Variants in DAB1 observed in about 807,000 individuals in gnomAD.
DAB1 encodes DAB adaptor protein 1.
A neutral mutation model predicts 64.6 loss-of-function variants in DAB1; 15 were observed. The ratio of observed to expected loss-of-function variants is 0.23; its 90% confidence interval spans 0.16 to 0.36. The LOEUF (loss-of-function observed/expected upper bound fraction) is 0.36, where lower values mean the gene tolerates loss of function less well. Among genes scored for constraint, DAB1 ranks in the 10% least tolerant of loss-of-function variants. The pLI is 1.00. For synonymous variants in DAB1, 235 were observed against 251.9 expected (o/e 0.93, Z 0.64); for missense variants, 596 against 706.7 (o/e 0.84, Z 1.78).
chr1:57,086,513 A>C (rs1467667680), intron 4 of DAB1, among the ~76,000 whole-genome samples: 1 of 152,178 alleles, frequency 6.6e-6, no homozygotes, highest in Non-Finnish European at 1.5e-5. Flanking sequence ...ACAGTTTGGC[A>C]AAGTGTTTGT....
At chr1:57,173,210 C>G (rs1661963136) in intron 2 of DAB1, among the ~76,000 whole-genome samples, 1 of 152,040 alleles carries the variant, frequency 6.6e-6, no homozygotes, top group Admixed American at 6.6e-5. Flanking sequence ...GCTTCCAGTT[C>G]AAGAGATTCT....
chr1:58,450,966 T>C (rs1645129118), intron 3 of DAB1, among the ~76,000 whole-genome samples: 1 of 152,042 alleles, frequency 6.6e-6, no homozygotes, highest in South Asian at 2.1e-4. Context: ...TTTTACAAAA[T>C]ACCTGACCGG....
intron 3 of DAB1, among the ~76,000 whole-genome samples, chr1:58,375,394 T>C (rs1264289195): frequency 4.4e-5 from 6 of 135,710 alleles, no homozygotes; most frequent in South Asian, 4.9e-4. Context: ...GCATGAAGGG[T>C]TGTTGAATTT....
intron 5 of DAB1, among the ~76,000 whole-genome samples, chr1:58,008,574 A>G (rs1372478552): frequency 6.6e-6 from 1 of 152,184 alleles, no homozygotes; most frequent in East Asian, 1.9e-4. Flanking sequence ...AGGGAGCTCA[A>G]TCATAGCGGT....
chr1:58,191,222 C>T (rs1364773663), intron 4 of DAB1, among the ~76,000 whole-genome samples: 1 of 152,142 alleles, frequency 6.6e-6, no homozygotes, highest in Non-Finnish European at 1.5e-5. Context: ...ATTTACTGAG[C>T]ACTTACTATG....
intron 1 of DAB1, among the ~76,000 whole-genome samples, chr1:57,341,899 A>G (rs529151063): frequency 1.8e-3 from 281 of 152,318 alleles, no homozygotes; most frequent in Non-Finnish European, 3.0e-3. Flanking sequence ...AGAAGCTCCT[A>G]GGTGATGCCA....
At chr1:57,321,841 C>T (rs974494098) in intron 1 of DAB1, among the ~76,000 whole-genome samples, 4 of 151,314 alleles carry the variant, frequency 2.6e-5, no homozygotes, top group African/African-American at 9.7e-5. Context: ...TCATCACCAA[C>T]AAAATTTTGC....
intron 4 of DAB1, among the ~76,000 whole-genome samples, chr1:58,184,621 G>A (rs1043068830): frequency 2.0e-5 from 3 of 152,092 alleles, no homozygotes; most frequent in Admixed American, 2.0e-4. Context: ...CTTTAATCCA[G>A]TCTGCTGCTT....
At chr1:57,333,732 A>G (rs181354817) in intron 1 of DAB1, among the ~76,000 whole-genome samples, 1 of 152,338 alleles carries the variant, frequency 6.6e-6, no homozygotes, top group East Asian at 1.9e-4. Context: ...CTGTGAGGAT[A>G]AAATAAAGTA....
At chr1:58,299,657 C>T (rs1029630664) in intron 4 of DAB1, among the ~76,000 whole-genome samples, 4 of 152,160 alleles carry the variant, frequency 2.6e-5, no homozygotes, top group East Asian at 1.9e-4. Context: ...ATAGTGCCCA[C>T]ACCCATGCAC....
intron 5 of DAB1, chr1:58,048,795 T>G (rs1647421217): frequency 8.8e-7 from 1 of 1,138,112 alleles, no homozygotes. Context: ...CAGTATAGTA[T>G]TTCTGAATGA....
intron 2 of DAB1, among the ~76,000 whole-genome samples, chr1:57,187,089 C>T (rs1557895089): frequency 6.6e-6 from 1 of 152,162 alleles, no homozygotes; most frequent in Non-Finnish European, 1.5e-5. Context: ...TCATATTGCA[C>T]ATAAAATTCT....
intron 4 of DAB1, among the ~76,000 whole-genome samples, chr1:57,130,852 T>C (rs1196912842): frequency 4.6e-5 from 7 of 152,222 alleles, no homozygotes; most frequent in African/African-American, 1.7e-4. Flanking sequence ...CGGTATTATG[T>C]ATATGGGTAA....
At chr1:57,373,013 GAA>G (rs11387419) in intron 1 of DAB1, among the ~76,000 whole-genome samples, 8,353 of 146,900 alleles carry the variant, frequency 0.057, 736 homozygotes, top group African/African-American at 0.2. Flanking sequence ...TACGTCTCTA[GAA>G]AAAAAAAAAA....
chr1:57,173,836 T>C (rs1223499673), intron 2 of DAB1, among the ~76,000 whole-genome samples: 5 of 152,152 alleles, frequency 3.3e-5, no homozygotes, highest in African/African-American at 1.2e-4. Flanking sequence ...AAGGAAAAAT[T>C]ACAATAATTT....
intron 3 of DAB1, among the ~76,000 whole-genome samples, chr1:57,137,702 T>C (rs1658252840): frequency 1.3e-5 from 2 of 152,204 alleles, no homozygotes; most frequent in Non-Finnish European, 2.9e-5. Flanking sequence ...GTTATGGTTC[T>C]GGGCTTTTAG....
At chr1:57,423,138 T>A (rs1390941981) in intron 1 of DAB1, among the ~76,000 whole-genome samples, 3 of 151,494 alleles carry the variant, frequency 2.0e-5, no homozygotes, top group Non-Finnish European at 4.4e-5. Flanking sequence ...CCACAGAGAT[T>A]TAAAGTTTCC....
At chr1:57,202,606 T>C (rs11807144) in intron 2 of DAB1, among the ~76,000 whole-genome samples, 7,560 of 152,292 alleles carry the variant, frequency 0.05, 237 homozygotes, top group African/African-American at 0.081. Flanking sequence ...TTCTGAACTG[T>C]AGGCTTCGAA....
At chr1:57,388,310 C>T (rs1000923437) in intron 1 of DAB1, among the ~76,000 whole-genome samples, 1 of 152,212 alleles carries the variant, frequency 6.6e-6, no homozygotes. Flanking sequence ...CCCCTATTCA[C>T]CCAGAACATC....
Sources: allele counts gnomAD v4.1 joint callset (sites outside exome capture counted in the v4.1 genomes callset), GRCh38; gene constraint gnomAD v4.1.1; transcripts MANE v1.5; gene names NCBI Gene and HGNC (gene_info 2026-07-23, HGNC 2026-07-21).